Variants in TBC1D22A observed in about 807,000 individuals in gnomAD.
TBC1D22A encodes putative GTPase activator.
TBC1D22A carries 38 observed loss-of-function variants against 60.2 expected under a neutral mutation model. The ratio of observed to expected loss-of-function variants is 0.63; its 90% confidence interval spans 0.49 to 0.83. TBC1D22A has a LOEUF of 0.83. Ranked by LOEUF, TBC1D22A falls within the 40% of genes least tolerant of loss-of-function variation. The pLI, the probability that TBC1D22A is intolerant of heterozygous loss-of-function variation, is 0.00. For missense variants in TBC1D22A, 628 were observed against 701.0 expected (o/e 0.90, Z 1.18); for synonymous variants, 302 against 281.7 (o/e 1.07, Z -0.72).
intron 11 of TBC1D22A, among the ~76,000 whole-genome samples, chr22:47,052,041 C>T (rs1263548265): frequency 3.3e-5 from 5 of 151,314 alleles, no homozygotes; most frequent in Non-Finnish European, 7.4e-5. Flanking sequence ...TCCTCTTCAG[C>T]GGTAAGGCAG....
intron 11 of TBC1D22A, among the ~76,000 whole-genome samples, chr22:47,078,382 G>A (rs74915783): frequency 0.024 from 3,628 of 152,284 alleles, 146 homozygotes; most frequent in African/African-American, 0.083. Flanking sequence ...AATTGCAATC[G>A]TGTATGCAAG....
At chr22:47,099,139 C>A (rs146574543) in intron 11 of TBC1D22A, among the ~76,000 whole-genome samples, 10 of 152,354 alleles carry the variant, frequency 6.6e-5, no homozygotes, top group Non-Finnish European at 1.2e-4. Context: ...AGCGCTTACC[C>A]TGTGCTGTGC....
intron 4 of TBC1D22A, among the ~76,000 whole-genome samples, chr22:46,803,657 G>A (rs956478661): frequency 2.0e-5 from 3 of 152,234 alleles, no homozygotes; most frequent in African/African-American, 7.2e-5. Context: ...TTACTGAAAG[G>A]CAGGCACAGC....
chr22:46,924,295 AG>A (rs530012357), intron 8 of TBC1D22A, among the ~76,000 whole-genome samples: 141 of 152,330 alleles, frequency 9.3e-4, no homozygotes, highest in African/African-American at 3.2e-3. Flanking sequence ...GGCGAGCAAT[AG>A]GACCACATTT....
intron 4 of TBC1D22A, among the ~76,000 whole-genome samples, chr22:46,823,833 G>A (rs954517090): frequency 1.3e-5 from 2 of 152,156 alleles, no homozygotes; most frequent in African/African-American, 2.4e-5. Context: ...CCGGGAGTGC[G>A]GCCGTGACCA....
At chr22:46,827,222 C>T (rs1252860786) in intron 4 of TBC1D22A, among the ~76,000 whole-genome samples, 2 of 152,228 alleles carry the variant, frequency 1.3e-5, no homozygotes, top group Admixed American at 6.5e-5. Context: ...AGGCTTCTAA[C>T]TTACCTTGGA....
At chr22:47,057,530 C>A (rs1176472410) in intron 11 of TBC1D22A, among the ~76,000 whole-genome samples, 1 of 152,180 alleles carries the variant, frequency 6.6e-6, no homozygotes, top group Non-Finnish European at 1.5e-5. Flanking sequence ...TAAAGACATA[C>A]CTGAGACTGG....
At chr22:46,859,366 A>T (rs1471732675) in intron 4 of TBC1D22A, among the ~76,000 whole-genome samples, 2 of 74,492 alleles carry the variant, frequency 2.7e-5, no homozygotes, top group African/African-American at 9.4e-5. Flanking sequence ...TCCCGGGACC[A>T]GAATCCTTTT....
At chr22:46,983,174 G>A (rs993855362) in intron 9 of TBC1D22A, among the ~76,000 whole-genome samples, 5 of 152,310 alleles carry the variant, frequency 3.3e-5, no homozygotes, top group East Asian at 3.9e-4. Flanking sequence ...GATCTGGCAC[G>A]GCAGACCATC....
intron 4 of TBC1D22A, among the ~76,000 whole-genome samples, chr22:46,856,376 T>C (rs1038174724): frequency 2.3e-4 from 35 of 152,350 alleles, no homozygotes; most frequent in African/African-American, 7.2e-4. Flanking sequence ...CAGAAGGGGT[T>C]TGAGCTGAGT....
chr22:47,016,356 G>A (rs1053518643), intron 10 of TBC1D22A, among the ~76,000 whole-genome samples: 1 of 151,966 alleles, frequency 6.6e-6, no homozygotes, highest in African/African-American at 2.4e-5. Flanking sequence ...CCACCTCCCC[G>A]CTACATGAGT....
intron 11 of TBC1D22A, among the ~76,000 whole-genome samples, chr22:47,059,578 A>G (rs1006009785): frequency 1.3e-5 from 2 of 152,202 alleles, no homozygotes; most frequent in African/African-American, 4.8e-5. Context: ...TAATTGAAGG[A>G]TTCCTTAAAT....
At chr22:46,825,576 C>T (rs2086018453) in intron 4 of TBC1D22A, among the ~76,000 whole-genome samples, 2 of 152,308 alleles carry the variant, frequency 1.3e-5, no homozygotes, top group South Asian at 2.1e-4. Context: ...CAGGTTCAAG[C>T]GATTCTTGTG....
chr22:46,897,891 G>A (rs1168540569), intron 7 of TBC1D22A, among the ~76,000 whole-genome samples: 1 of 136,868 alleles, frequency 7.3e-6, no homozygotes, highest in East Asian at 2.1e-4. Flanking sequence ...TTTCTTGTCT[G>A]TGCAGTAAAT....
intron 12 of TBC1D22A, among the ~76,000 whole-genome samples, chr22:47,114,933 C>T (rs990337182): frequency 1.3e-5 from 2 of 151,980 alleles, no homozygotes; most frequent in African/African-American, 2.4e-5. Context: ...TCCTAGGTCC[C>T]CTTGGCCTTT....
chr22:47,100,272 A>C (rs982631134), intron 11 of TBC1D22A, among the ~76,000 whole-genome samples: 9 of 151,550 alleles, frequency 5.9e-5, no homozygotes, highest in Non-Finnish European at 7.4e-5. Context: ...GCCTCAGGGC[A>C]CAAGAGTGAG....
intron 11 of TBC1D22A, among the ~76,000 whole-genome samples, chr22:47,097,033 A>G (rs1387879530): frequency 1.5e-5 from 1 of 64,786 alleles, no homozygotes; most frequent in Non-Finnish European, 2.7e-5. Context: ...TGTGCCTGTC[A>G]TGGATGATTG....
At chr22:46,982,872 C>T (rs1346174442) in intron 9 of TBC1D22A, among the ~76,000 whole-genome samples, 13 of 152,106 alleles carry the variant, frequency 8.5e-5, no homozygotes, top group East Asian at 1.9e-4. Context: ...GCGGTGGCAG[C>T]GGTGGGGCGC....
intron 12 of TBC1D22A, among the ~76,000 whole-genome samples, chr22:47,151,951 G>A (rs1414260870): frequency 6.6e-6 from 1 of 152,170 alleles, no homozygotes; most frequent in Non-Finnish European, 1.5e-5. Flanking sequence ...AAGATAGAAG[G>A]GCCCACTGCA....
Sources: gnomAD v4.1 joint callset for allele counts (sites outside exome capture counted in the v4.1 genomes callset) on GRCh38, gnomAD v4.1.1 for gene constraint, MANE v1.5 for transcripts, NCBI Gene and HGNC (gene_info 2026-07-23, HGNC 2026-07-21) for gene names.